The following SLC9A9 variants were observed in gnomAD, a reference collection of about 807,000 sequenced individuals.
SLC9A9 encodes the protein solute carrier family 9 member A9, also known as sodium/hydrogen exchanger 9.
Under a neutral mutation model 77.8 loss-of-function variants are expected in SLC9A9, and 62 were observed. The observed-to-expected ratio is 0.80, with a 90% CI of 0.65 to 0.98. SLC9A9 has a LOEUF of 0.98. Among genes scored for constraint, SLC9A9 ranks in the 50% least tolerant of loss-of-function variants. The probability of loss-of-function intolerance (pLI) is 0.00; values close to 1 mark genes in which losing one functional copy is unlikely to be tolerated. For synonymous variants in SLC9A9, 320 were observed against 283.5 expected (o/e 1.13, Z -1.29); for missense variants, 775 against 774.9 (o/e 1.00, Z 0.00).
intron 6 of SLC9A9, among the ~76,000 whole-genome samples, chr3:143,591,648 G>GACCTGTCTTGTCCATGCAATAAAT (rs2037647028): frequency 6.9e-6 from 1 of 144,276 alleles, no homozygotes; most frequent in African/African-American, 2.9e-5. Context: ...ATGCAATAAA[G>GACCTGTCTTGTCCATGCAATAAAT]GTAGTTACTA....
intron 4 of SLC9A9, among the ~76,000 whole-genome samples, chr3:143,713,141 T>G (rs16854165): frequency 0.034 from 5,234 of 152,124 alleles, 293 homozygotes; most frequent in African/African-American, 0.12. Context: ...CTCAGTGAAG[T>G]GACAAGAGAA....
At chr3:143,684,230 C>A (rs929972140) in intron 5 of SLC9A9, among the ~76,000 whole-genome samples, 2 of 151,882 alleles carry the variant, frequency 1.3e-5, no homozygotes, top group African/African-American at 2.4e-5. Flanking sequence ...TATTGTGAAG[C>A]ATCTGTGATG....
chr3:143,473,217 C>T (rs1449533629), intron 11 of SLC9A9, among the ~76,000 whole-genome samples: 1 of 152,202 alleles, frequency 6.6e-6, no homozygotes, highest in African/African-American at 2.4e-5. Context: ...CTGGTCTTGG[C>T]CTCAAGCCTC....
At chr3:143,638,980 G>A (rs919967952) in intron 6 of SLC9A9, among the ~76,000 whole-genome samples, 1 of 152,136 alleles carries the variant, frequency 6.6e-6, no homozygotes, top group Non-Finnish European at 1.5e-5. Flanking sequence ...TTGGCCCCTT[G>A]TTCTCTGGAA....
At chr3:143,582,361 C>T (rs2037471418) in intron 6 of SLC9A9, among the ~76,000 whole-genome samples, 1 of 152,186 alleles carries the variant, frequency 6.6e-6, no homozygotes. Context: ...TTAGATATAT[C>T]TTGTGGATTA....
intron 2 of SLC9A9, among the ~76,000 whole-genome samples, chr3:143,830,595 G>A (rs2009409998): frequency 1.3e-5 from 2 of 152,144 alleles, no homozygotes; most frequent in African/African-American, 2.4e-5. Flanking sequence ...TGGGAGGAGA[G>A]GTGTCAACCT....
At chr3:143,565,352 C>A (rs1207499163) in intron 8 of SLC9A9, among the ~76,000 whole-genome samples, 1 of 152,150 alleles carries the variant, frequency 6.6e-6, no homozygotes, top group Non-Finnish European at 1.5e-5. Context: ...CATGCCTATG[C>A]AGAATATGGG....
intron 5 of SLC9A9, among the ~76,000 whole-genome samples, chr3:143,692,915 C>T (rs944155353): frequency 6.6e-6 from 1 of 152,114 alleles, no homozygotes; most frequent in African/African-American, 2.4e-5. Context: ...GCATGCAGCC[C>T]ATGGACCACT....
At chr3:143,423,248 TACACACACACACACACACACAC>T (rs377276883) in intron 12 of SLC9A9, among the ~76,000 whole-genome samples, 4 of 143,738 alleles carry the variant, frequency 2.8e-5, no homozygotes, top group Non-Finnish European at 6.1e-5. Context: ...CACGCGCGTG[TACACACACACACACACACACAC>T]ACACACACAC....
intron 5 of SLC9A9, among the ~76,000 whole-genome samples, chr3:143,677,483 A>C (rs1422927682): frequency 6.6e-6 from 1 of 152,132 alleles, no homozygotes; most frequent in Non-Finnish European, 1.5e-5. Context: ...ATATATCCTT[A>C]AGAACTGGTG....
rs191256621 is a variant in SLC9A9, at chr3:143,482,399, C to A, written c.1315+11254G>T. 2.2e-4 allele frequency among the ~76,000 whole-genome samples: 34 copies of A among 152,210 alleles called. No individual in the cohort carries two copies. The East Asian group carries it at 4.8e-3, about 22-fold the overall frequency. ...TCCATGTACTGTGGTGACATTTTAC[C>A]GGTTAAAACTTCTCGTAGTTTTTGT... is the stretch of plus-strand genomic sequence containing the variant. On this transcript the variant is annotated intron_variant, in intron 11 of 15. Transcript: ENST00000316549.
At chr3:143,786,629 T>G (rs1177612230) in intron 4 of SLC9A9, among the ~76,000 whole-genome samples, 14 of 152,182 alleles carry the variant, frequency 9.2e-5, no homozygotes, top group Non-Finnish European at 1.8e-4. Context: ...GTGCATGCTG[T>G]GATATGCATA....
intron 12 of SLC9A9, among the ~76,000 whole-genome samples, chr3:143,464,467 T>C (rs184234899): frequency 5.3e-5 from 8 of 152,346 alleles, no homozygotes; most frequent in Admixed American, 4.6e-4. Context: ...TATTATGTCC[T>C]ATTTCCTGCC....
chr3:143,685,034 A>G lies in SLC9A9; in HGVS notation c.649+8158T>C, dbSNP rs143696163. Among the ~76,000 whole-genome samples, 30 of 152,218 alleles carry G rather than the reference A, an allele frequency of 2.0e-4. No homozygotes were observed. The East Asian group carries it at 5.6e-3, about 28-fold the overall frequency. Reference sequence around the variant, plus strand: ...AAGGGTCATGGTTTTGGTTTCCAACAGTTTCATTTCCATATATCTTTATAG... The same window carrying G: ...AAGGGTCATGGTTTTGGTTTCCAACGGTTTCATTTCCATATATCTTTATAG... On this transcript the variant is annotated intron_variant, in intron 5 of 15. Coordinates refer to ENST00000316549, the MANE Select transcript of SLC9A9 (RefSeq NM_173653.4).
At chr3:143,454,200 T>G (rs2035051803) in intron 12 of SLC9A9, among the ~76,000 whole-genome samples, 1 of 152,194 alleles carries the variant, frequency 6.6e-6, no homozygotes, top group South Asian at 2.1e-4. Flanking sequence ...ATATAGTAAT[T>G]GTATTTTTAC....
Position 143,734,216 on chromosome 3 carries a change from G to GA in SLC9A9, c.534-40910dup, listed in dbSNP as rs572500706. On this transcript the variant is annotated intron_variant, in intron 4 of 15. Transcript: ENST00000316549. ...GTCTGTAAAGAAAATAATAATAAAA[G>GA]AAAAAAAAAAAGAAAACCTTGAATT... 7.3e-3 allele frequency among the ~76,000 whole-genome samples: 1,034 copies of GA among 141,150 alleles called. 8 individuals carry two copies. The highest frequency in any genetic ancestry group is 0.025 in the African/African-American group (947 of 38,646). 92.6% of individuals were successfully genotyped at this position (141,150 alleles called of 152,430 possible).
At chr3:143,449,007 T>G (rs1319741686) in intron 12 of SLC9A9, among the ~76,000 whole-genome samples, 904 of 12,768 alleles carry the variant, frequency 0.071, 304 homozygotes, top group Admixed American at 0.077. Context: ...TATAATTATA[T>G]AAAATATAAT....
intron 6 of SLC9A9, among the ~76,000 whole-genome samples, chr3:143,647,735 T>A (rs2038728283): frequency 6.6e-6 from 1 of 152,258 alleles, no homozygotes. Flanking sequence ...AGTTAGCTTC[T>A]TCCTTCCTTT....
At chr3:143,691,165 C>A (rs890137880) in intron 5 of SLC9A9, among the ~76,000 whole-genome samples, 10 of 152,192 alleles carry the variant, frequency 6.6e-5, no homozygotes, top group African/African-American at 2.4e-4. Flanking sequence ...GTGATCCTCC[C>A]ACCTCAGCCT....
Sources: gnomAD v4.1 joint callset for allele counts (sites outside exome capture counted in the v4.1 genomes callset) on GRCh38, gnomAD v4.1.1 for gene constraint, MANE v1.5 for transcripts, NCBI Gene and HGNC (gene_info 2026-07-23, HGNC 2026-07-21) for gene names.